Variants in WIF1 observed in about 807,000 individuals in gnomAD.
WIF1 encodes the protein Wnt inhibitory factor 1.
In WIF1, 35 loss-of-function variants were observed where a neutral mutation model predicts 53.5. The observed-to-expected ratio is 0.65, with a 90% CI of 0.50 to 0.87. The LOEUF is 0.87. WIF1 is among the 40% of genes least tolerant of loss of function. The pLI is 0.00. For synonymous variants in WIF1, 171 were observed against 170.4 expected (o/e 1.00, Z -0.03); for missense variants, 467 against 476.8 (o/e 0.98, Z 0.19).
chr12:65,061,045 CAG>C (rs1156791721), intron 7 of WIF1, among the ~76,000 whole-genome samples: 1 of 152,190 alleles, frequency 6.6e-6, no homozygotes, highest in Middle Eastern at 3.4e-3. Context: ...AGTAAGTGTG[CAG>C]AGTCTGAAGT....
chr12:65,102,490 A>G (rs1883297059), intron 2 of WIF1, among the ~76,000 whole-genome samples: 1 of 152,160 alleles, frequency 6.6e-6, no homozygotes, highest in South Asian at 2.1e-4. Flanking sequence ...ACCCACCCAC[A>G]TTAGGGAGGG....
intron 2 of WIF1, among the ~76,000 whole-genome samples, chr12:65,095,177 C>T (rs1308790019): frequency 6.6e-6 from 1 of 151,332 alleles, no homozygotes; most frequent in South Asian, 2.1e-4. Flanking sequence ...TGGGCTCAAG[C>T]AATCCTCCTG....
intron 2 of WIF1, among the ~76,000 whole-genome samples, chr12:65,097,019 TA>T (rs11301288): frequency 0.49 from 68,038 of 137,590 alleles, 17,070 homozygotes; most frequent in East Asian, 0.68. Flanking sequence ...TCCTGGAACT[TA>T]AAAAAAAAAA....
chr12:65,068,706 C>A (rs1218548590), intron 4 of WIF1, 58 bp downstream of exon 4: 14 of 1,562,952 alleles, frequency 9.0e-6, no homozygotes, highest in Non-Finnish European at 1.1e-5. Flanking sequence ...AATATTTGGT[C>A]CAAATCACAC....
chr12:65,081,916 C>T (rs776820189), intron 2 of WIF1, among the ~76,000 whole-genome samples: 1 of 151,710 alleles, frequency 6.6e-6, no homozygotes, highest in Non-Finnish European at 1.5e-5. Flanking sequence ...TAGAAATTGA[C>T]TAACCTTTTA....
chr12:65,062,516 C>T lies in WIF1; in HGVS notation c.791G>A (p.Cys264Tyr). ...GTCFYPGKCI[C>Y]PPGLEGEQCE... ...CTGCTCTCCCTCTAGTCCTGGAGGG[C>T]AAATACATTTTCCAGGGTAGAAACA... Residue 264 changes from cysteine to tyrosine, a missense_variant, in exon 7 of 10, where the codon TGC becomes TAC. By Grantham distance (194) the Cys-to-Tyr change is radical (BLOSUM62 -2). Coordinates refer to ENST00000286574, the MANE Select transcript of WIF1 (RefSeq NM_007191.5). 6.2e-7 allele frequency: 1 copy of T among 1,608,698 alleles called. No individual in the cohort carries two copies. The highest frequency in any genetic ancestry group is 8.5e-7 in the Non-Finnish European group (1 of 1,177,104).
intron 5 of WIF1, 76 bp downstream of exon 5, chr12:65,067,619 A>G: frequency 1.4e-6 from 2 of 1,424,108 alleles, no homozygotes; most frequent in Middle Eastern, 1.8e-4. Context: ...TTAAAAATAC[A>G]CAATACACAT....
intron 2 of WIF1, among the ~76,000 whole-genome samples, chr12:65,091,622 T>C (rs963367881): frequency 1.3e-5 from 2 of 152,174 alleles, no homozygotes; most frequent in African/African-American, 4.8e-5. Context: ...GATTAAATTC[T>C]ACTGTGTTTA....
intron 2 of WIF1, among the ~76,000 whole-genome samples, chr12:65,092,726 G>A (rs1411818167): frequency 1.3e-5 from 2 of 152,026 alleles, no homozygotes; most frequent in Non-Finnish European, 2.9e-5. Flanking sequence ...CAGTGTGGCT[G>A]TATCAGAGTG....
chr12:65,079,068 G>A (rs1351464748), intron 2 of WIF1, among the ~76,000 whole-genome samples: 1 of 150,550 alleles, frequency 6.6e-6, no homozygotes, highest in Non-Finnish European at 1.5e-5. Context: ...GGGAGGCTGA[G>A]GCAGGAGAAT....
At position 65,051,053 on chromosome 12, in the gene WIF1, A is replaced by G. The variant is rs1338187193; in HGVS notation, c.*296T>C. The G allele has an allele frequency of 1.5e-5, 4 of 275,224 alleles. No individual in the cohort carries two copies. The highest frequency in any genetic ancestry group is 8.6e-5 in the African/African-American group (4 of 46,474). 17.0% of individuals were successfully genotyped at this position (275,224 alleles called of 1,614,324 possible). On this transcript the variant is annotated 3_prime_UTR_variant, in exon 10 of 10. Coordinates refer to ENST00000286574, the MANE Select transcript of WIF1 (RefSeq NM_007191.5). ...CCCTGCCCCCAGACACCATAAATGCATTGTAATTTTGAAAATATCTGCCAA... is the reference window on the plus strand; with the variant it reads ...CCCTGCCCCCAGACACCATAAATGCGTTGTAATTTTGAAAATATCTGCCAA...
intron 2 of WIF1, among the ~76,000 whole-genome samples, chr12:65,119,438 G>T (rs1192384375): frequency 6.6e-6 from 1 of 152,126 alleles, no homozygotes; most frequent in African/African-American, 2.4e-5. Context: ...AGCTAAAAAG[G>T]TCATGTCTAT....
intron 3 of WIF1, among the ~76,000 whole-genome samples, chr12:65,075,215 T>C (rs1305144590): frequency 2.6e-5 from 4 of 152,224 alleles, no homozygotes; most frequent in African/African-American, 7.2e-5. Flanking sequence ...AGAGAAACTC[T>C]GTGTTTATTT....
At chr12:65,120,604 A>C in intron 1 of WIF1, 48 bp from the exon 2 acceptor site, 1 of 1,572,910 alleles carries the variant, frequency 6.4e-7, no homozygotes, top group Non-Finnish European at 8.6e-7. Context: ...ACTTGAAATC[A>C]TCTAAATCAG....
chr12:65,076,909 T>A (rs1327077654), intron 3 of WIF1, among the ~76,000 whole-genome samples: 5 of 149,146 alleles, frequency 3.4e-5, no homozygotes, highest in South Asian at 4.2e-4. Context: ...AAAAAAAAAA[T>A]CATGACGCAA....
In WIF1 at chr12:65,051,173, C is replaced by T; in HGVS notation, c.*176G>A. On this transcript the variant is annotated 3_prime_UTR_variant, in exon 10 of 10. Coordinates refer to ENST00000286574, the MANE Select transcript of WIF1 (RefSeq NM_007191.5). ...AAAATCTATACCATCATGCTACAGA[C>T]GTACTTAGAAAACTTAAAAGGAAGA... The T allele has an allele frequency of 2.8e-6, 2 of 720,098 alleles. No homozygotes were observed. The highest frequency in any genetic ancestry group is 4.1e-6 in the Non-Finnish European group (2 of 485,404). 44.6% of individuals were successfully genotyped at this position (720,098 alleles called of 1,614,324 possible).
intron 2 of WIF1, among the ~76,000 whole-genome samples, chr12:65,118,313 ATCT>A (rs926384716): frequency 1.3e-5 from 2 of 152,210 alleles, no homozygotes; most frequent in Non-Finnish European, 2.9e-5. Flanking sequence ...CATTTTTCCC[ATCT>A]TCAGAATTTC....
intron 2 of WIF1, among the ~76,000 whole-genome samples, chr12:65,105,981 C>T (rs959893701): frequency 6.6e-6 from 1 of 152,156 alleles, no homozygotes; most frequent in Non-Finnish European, 1.5e-5. Context: ...AGAATACAGG[C>T]CAGCTTGACC....
Position 65,107,488 on chromosome 12 carries a change from G to A in WIF1, c.288+12929C>T, listed in dbSNP as rs575888433. Among the ~76,000 whole-genome samples the A allele has an allele frequency of 4.6e-5, 7 of 152,100 alleles. No individual in the cohort carries two copies. In the South Asian group the frequency reaches 1.2e-3, roughly 27 times the overall value. ...AAAATACAAAAATTAGCCAGGCATGGTAGCTCCTGTAACCCCAGCTACTCA... is the reference window on the plus strand; with the variant it reads ...AAAATACAAAAATTAGCCAGGCATGATAGCTCCTGTAACCCCAGCTACTCA... On this transcript the variant is annotated intron_variant, in intron 2 of 9. Transcript: ENST00000286574.
Sources: allele counts gnomAD v4.1 joint callset (sites outside exome capture counted in the v4.1 genomes callset), GRCh38; gene constraint gnomAD v4.1.1; transcripts MANE v1.5; gene names NCBI Gene and HGNC (gene_info 2026-07-23, HGNC 2026-07-21).